ABL2: variants seen among roughly 807,000 people sequenced by gnomAD.
The protein encoded by ABL2 is ABL proto-oncogene 2, non-receptor tyrosine kinase.
Under a neutral mutation model 107.7 loss-of-function variants are expected in ABL2, and 49 were observed. The ratio of observed to expected loss-of-function variants is 0.45; its 90% CI spans 0.36 to 0.58. The LOEUF is 0.58. Ranked by LOEUF, ABL2 falls within the 20% of genes least tolerant of loss-of-function variation. ABL2 has a pLI of 0.00. For missense variants in ABL2, 1,245 were observed against 1,457.0 expected (o/e 0.85, Z 2.37); for synonymous variants, 549 against 548.6 (o/e 1.00, Z -0.01).
intron 1 of ABL2, among the ~76,000 whole-genome samples, chr1:179,214,902 G>A (rs1031834199): frequency 2.6e-5 from 4 of 152,168 alleles, no homozygotes; most frequent in Non-Finnish European, 5.9e-5. Flanking sequence ...GCCCATGCCT[G>A]TAATCCCAGC....
chr1:179,110,886 G>A (rs762172816), intron 10 of ABL2: 2 of 1,612,776 alleles, frequency 1.2e-6, no homozygotes, highest in Non-Finnish European at 1.7e-6. Context: ...GGTTTATTAG[G>A]CCCTGCCAAC....
chr1:179,205,023 C>G (rs546698682), intron 1 of ABL2, among the ~76,000 whole-genome samples: 20 of 119,448 alleles, frequency 1.7e-4, no homozygotes, highest in Admixed American at 2.8e-4. Flanking sequence ...CATTACAACT[C>G]TTTTTCTTTT....
chr1:179,194,300 T>A (rs1218125804), intron 1 of ABL2, among the ~76,000 whole-genome samples: 1 of 152,160 alleles, frequency 6.6e-6, no homozygotes, highest in African/African-American at 2.4e-5. Flanking sequence ...AAATCAATCA[T>A]CCTTAATAGT....
rs544926258 is a variant in ABL2, at chr1:179,115,095, G to A, written c.1409-65C>T. Reference sequence around the variant, plus strand: ...CCGATTATTTATTTTACATAATTAGGTGATTCTCTTTCATATTTTAGGTAA... The same window carrying A: ...CCGATTATTTATTTTACATAATTAGATGATTCTCTTTCATATTTTAGGTAA... On this transcript the variant is annotated intron_variant, in intron 8 of 11. Transcript: ENST00000502732. 3.2e-5 allele frequency: 47 copies of A among 1,464,572 alleles called. No homozygotes were observed. The African/African-American group carries it at 5.6e-4, about 18-fold the overall frequency. 90.7% of individuals were successfully genotyped at this position (1,464,572 alleles called of 1,614,324 possible). A position where few individuals can be genotyped will look rare whatever the true frequency, so the allele number is the denominator to read the frequency against.
At chr1:179,162,260 T>C (rs1185865402) in intron 1 of ABL2, among the ~76,000 whole-genome samples, 1 of 152,132 alleles carries the variant, frequency 6.6e-6, no homozygotes, top group Non-Finnish European at 1.5e-5. Context: ...GGCTAACTTA[T>C]AAAAGCCATT....
rs1342965320 is a variant in ABL2 at position 179,099,676 on chromosome 1, C to T, written c.*8042G>A. The T allele has an allele frequency of 1.3e-5, 3 of 230,706 alleles. No homozygotes were observed. The highest frequency in any genetic ancestry group is 1.2e-4 in the East Asian group (2 of 16,286). The allele number at this position is 230,706 out of a possible 1,614,324, so 14.3% of individuals were successfully genotyped here. On this transcript the variant is annotated 3_prime_UTR_variant, in exon 12 of 12. Coordinates refer to ENST00000502732, the MANE Select transcript of ABL2 (RefSeq NM_007314.4). ...CCTCTGTGCACCACATACACACCTG[C>T]GGGGCGGGACCTTTGGTATAAACGT...
At chr1:179,183,230 T>C (rs1571268201) in intron 1 of ABL2, among the ~76,000 whole-genome samples, 1 of 151,886 alleles carries the variant, frequency 6.6e-6, no homozygotes, top group Admixed American at 6.6e-5. Context: ...ACTCAGTGGG[T>C]GGGGCGGGAG....
Position 179,105,023 on chromosome 1 carries a change from A to T in ABL2, c.*2695T>A, listed in dbSNP as rs1653378682. The T allele has an allele frequency of 4.3e-6, 1 of 229,916 alleles. No individual in the cohort carries two copies. 14.2% of individuals were successfully genotyped at this position (229,916 alleles called of 1,614,324 possible). The stretch of plus-strand genomic sequence containing the variant: ...AGTTGACAGTGCCTCTTTAACCTGA[A>T]CCTTGAGCCCTCAACCCCTGAAGTT... On this transcript the variant is annotated 3_prime_UTR_variant, in exon 12 of 12. Coordinates refer to ENST00000502732, the MANE Select transcript of ABL2 (RefSeq NM_007314.4).
intron 3 of ABL2, among the ~76,000 whole-genome samples, chr1:179,129,361 T>C (rs1656055363): frequency 6.6e-6 from 1 of 152,202 alleles, no homozygotes; most frequent in African/African-American, 2.4e-5. Context: ...AAATCAAGTA[T>C]ATTGTAGTCC....
chr1:179,228,585 TTG>T (rs1237016497), intron 1 of ABL2, among the ~76,000 whole-genome samples: 21 of 152,264 alleles, frequency 1.4e-4, no homozygotes, highest in South Asian at 6.2e-4. Context: ...AATCTCAGAA[TTG>T]TGTGTCCTAC....
At position 179,229,632 on chromosome 1, in the gene ABL2, A is replaced by ACGCTGC; in HGVS notation, c.-236_-235insGCAGCG. On this transcript the variant is annotated 5_prime_UTR_variant, in exon 1 of 12. Transcript: ENST00000502732. ...CTCCTGTCGCGGCTCCGCGCCCCCA[A>ACGCTGC]CGCCGCCGCCGCCGCCGCCGCCACC... The ACGCTGC allele has an allele frequency of 2.2e-6, 1 of 451,260 alleles. No homozygotes were observed. The highest frequency in any genetic ancestry group is 3.8e-6 in the Non-Finnish European group (1 of 261,978). The allele number at this position is 451,260 out of a possible 1,614,324, so 28.0% of individuals were successfully genotyped here.
intron 1 of ABL2, among the ~76,000 whole-genome samples, chr1:179,182,661 C>A (rs1660444008): frequency 6.6e-6 from 1 of 152,106 alleles, no homozygotes; most frequent in African/African-American, 2.4e-5. Flanking sequence ...TTTTCTTTAT[C>A]CATTTATCCT....
intron 1 of ABL2, among the ~76,000 whole-genome samples, chr1:179,136,755 A>C (rs898345307): frequency 9.3e-5 from 14 of 150,438 alleles, no homozygotes; most frequent in African/African-American, 2.7e-4. Context: ...AATAAAAATA[A>C]AAATACAAAA....
chr1:179,201,990 G>A (rs1333480947), intron 1 of ABL2: 6 of 1,004,128 alleles, frequency 6.0e-6, no homozygotes, highest in Non-Finnish European at 7.5e-6. Flanking sequence ...AACAGCAGGA[G>A]AGGAGAGGGA....
chr1:179,107,786 CGG>C lies in ABL2; in HGVS notation c.3479_3480del (p.Pro1160ArgfsTer7). 6.2e-7 allele frequency: 1 copy of C among 1,614,196 alleles called. No homozygotes were observed. The highest frequency in any genetic ancestry group is 8.5e-7 in the Non-Finnish European group (1 of 1,180,032). ...LQVSSAAAGVPGTNPVLNNLL... is the reference protein window; with the variant it reads ...LQVSSAAAGVXGTNPVLNNLL... ...AAGTTATTAAGGACAGGGTTTGTCC[CGG>C]GCACACCAGCAGCTGCTGAAGAAAC... On this transcript the variant is annotated frameshift_variant, in exon 12 of 12. Transcript: ENST00000502732. LOFTEE classifies it high-confidence loss of function.
chr1:179,134,402 G>A (rs1656638966), intron 1 of ABL2, among the ~76,000 whole-genome samples: 1 of 152,030 alleles, frequency 6.6e-6, no homozygotes, highest in Non-Finnish European at 1.5e-5. Flanking sequence ...ACAAAAATTG[G>A]GCGAGGAGAT....
chr1:179,207,879 C>T (rs1282893130), intron 1 of ABL2, among the ~76,000 whole-genome samples: 1 of 152,126 alleles, frequency 6.6e-6, no homozygotes, highest in Admixed American at 6.5e-5. Context: ...TCACAGAAAA[C>T]ACTCAATCAG....
intron 1 of ABL2, among the ~76,000 whole-genome samples, chr1:179,212,370 G>A (rs1662321836): frequency 6.6e-6 from 1 of 152,196 alleles, no homozygotes; most frequent in South Asian, 2.1e-4. Flanking sequence ...GGGACTACAA[G>A]GGTGAACAAG....
At chr1:179,198,693 CAAAAAAAAAA>C (rs534990752) in intron 1 of ABL2, among the ~76,000 whole-genome samples, 3 of 34,952 alleles carry the variant, frequency 8.6e-5, no homozygotes, top group East Asian at 2.1e-3. Flanking sequence ...ACTCCATCTC[CAAAAAAAAAA>C]AAAAAAAAAA....
Sources: gnomAD v4.1 joint callset for allele counts (sites outside exome capture counted in the v4.1 genomes callset) on GRCh38, gnomAD v4.1.1 for gene constraint, MANE v1.5 for transcripts, NCBI Gene and HGNC (gene_info 2026-07-23, HGNC 2026-07-21) for gene names.